The following KITLG variants were observed in gnomAD, a reference collection of about 807,000 sequenced individuals.
The protein encoded by KITLG is c-Kit ligand.
KITLG carries 13 observed loss-of-function variants against 34.1 expected under a neutral mutation model. That is an observed-to-expected ratio of 0.38 (90% CI 0.25 to 0.61). KITLG has a LOEUF of 0.61. KITLG is among the 20% of genes least tolerant of loss of function. KITLG has a pLI of 0.60. For synonymous variants in KITLG, 110 were observed against 104.0 expected, an observed-to-expected ratio of 1.06 and a Z score of -0.35; for missense variants, 292 against 318.9, an observed-to-expected ratio of 0.92 and a Z score of 0.64.
chr12:88,520,067 C>T (rs1432577832), intron 3 of KITLG, among the ~76,000 whole-genome samples: 1 of 152,178 alleles, frequency 6.6e-6, no homozygotes, highest in African/African-American at 2.4e-5. Flanking sequence ...CATTAAATGT[C>T]ACTCAAAACT....
intron 1 of KITLG, among the ~76,000 whole-genome samples, chr12:88,553,879 G>A (rs1022491646): frequency 2.0e-5 from 3 of 152,176 alleles, no homozygotes; most frequent in Non-Finnish European, 4.4e-5. Context: ...GTAGCAGACA[G>A]TACTAGAAAA....
intron 1 of KITLG, among the ~76,000 whole-genome samples, chr12:88,579,201 T>C (rs1285476343): frequency 6.6e-6 from 1 of 152,206 alleles, no homozygotes; most frequent in East Asian, 1.9e-4. Context: ...ATGCCTTCAT[T>C]CTACACCAAC....
chr12:88,528,459 T>G (rs1869960730), intron 3 of KITLG, among the ~76,000 whole-genome samples: 1 of 152,104 alleles, frequency 6.6e-6, no homozygotes, highest in Admixed American at 6.6e-5. Context: ...ATTCCAATCC[T>G]AGATAGGATC....
chr12:88,509,048 C>G (rs933435682), intron 6 of KITLG, among the ~76,000 whole-genome samples: 1 of 152,098 alleles, frequency 6.6e-6, no homozygotes, highest in African/African-American at 2.4e-5. Flanking sequence ...CCCCCATTAT[C>G]TATTGGGATT....
At position 88,495,723 on chromosome 12, in the gene KITLG, A is replaced by C. The variant is rs1435666674; in HGVS notation, c.*1496T>G. 1 of 152,366 alleles carries C rather than the reference A, an allele frequency of 6.6e-6. No homozygotes were observed. The allele number at this position is 152,366 out of a possible 1,614,324, so 9.4% of individuals were successfully genotyped here. A position where few individuals can be genotyped will look rare whatever the true frequency, so the allele number is the denominator to read the frequency against. ...CATGCCCTTTTGTGTCACTACATTGAAAACTGTCATCTTACGGTTGTAGAA... is the reference window on the plus strand; with the variant it reads ...CATGCCCTTTTGTGTCACTACATTGCAAACTGTCATCTTACGGTTGTAGAA... On this transcript the variant is annotated 3_prime_UTR_variant, in exon 10 of 10. Transcript: ENST00000644744.
chr12:88,570,328 C>G (rs1010474598), intron 1 of KITLG, among the ~76,000 whole-genome samples: 7 of 152,132 alleles, frequency 4.6e-5, no homozygotes, highest in African/African-American at 1.7e-4. Context: ...GGTGGGAAAG[C>G]CTGATGAGGA....
chr12:88,524,636 C>T (rs965039431), intron 3 of KITLG, among the ~76,000 whole-genome samples: 3 of 151,804 alleles, frequency 2.0e-5, no homozygotes, highest in Admixed American at 1.3e-4. Context: ...AGATTATGAA[C>T]GTGGCTTCCA....
In KITLG at chr12:88,506,291, C is replaced by T. The variant is rs752845091; in HGVS notation, c.782+20G>A. On this transcript the variant is annotated intron_variant, in intron 8 of 9. Transcript: ENST00000644744. Reference sequence around the variant, plus strand: ...GCAATGTCATGCTTGATTGGGCACACATTTAGCAAAACAAAATACCTTATC... The same window carrying T: ...GCAATGTCATGCTTGATTGGGCACATATTTAGCAAAACAAAATACCTTATC... The T allele has an allele frequency of 3.1e-5, 48 of 1,541,640 alleles. No individual in the cohort carries two copies. Among genetic ancestry groups the T allele is most frequent in the East Asian group, 4.5e-5 (2 of 44,466 alleles).
intron 1 of KITLG, among the ~76,000 whole-genome samples, chr12:88,563,281 T>G (rs1163607650): frequency 6.6e-6 from 1 of 152,240 alleles, no homozygotes; most frequent in Non-Finnish European, 1.5e-5. Flanking sequence ...AAAGCATTGG[T>G]TGACTCTTAT....
chr12:88,518,845 T>C lies in KITLG; in HGVS notation c.215A>G (p.Glu72Gly). ...DVLPSHCWIS[E>G]MVVQLSDSLT... ...GCTGTCTGACAATTGTACTACCATCTCGCTTATCCAACAATGACTTGGCTG... is the reference window on the plus strand; with the variant it reads ...GCTGTCTGACAATTGTACTACCATCCCGCTTATCCAACAATGACTTGGCTG... The change falls in exon 4 of 10, where the codon GAG becomes GGG. Residue 72 changes from glutamate (E) to glycine (G), a missense_variant. By Grantham distance (98) the Glu-to-Gly change is moderately conservative. Around this residue, in one of 2 missense-constraint regions of KITLG, gnomAD observed 152 missense variants for 207.9 expected, o/e 0.73. Coordinates refer to ENST00000644744, the MANE Select transcript of KITLG (RefSeq NM_000899.5). The C allele has an allele frequency of 5.0e-6, 8 of 1,613,578 alleles. No homozygotes were observed. Among genetic ancestry groups the C allele is most frequent in the Non-Finnish European group, 6.8e-6 (8 of 1,179,772 alleles).
At chr12:88,527,569 G>C (rs1398821880) in intron 3 of KITLG, among the ~76,000 whole-genome samples, 1 of 152,216 alleles carries the variant, frequency 6.6e-6, no homozygotes, top group Admixed American at 6.5e-5. Flanking sequence ...GCAAAGATTG[G>C]TTCAGGTAAG....
At chr12:88,500,261 C>G (rs1000372032) in intron 9 of KITLG, among the ~76,000 whole-genome samples, 4 of 152,194 alleles carry the variant, frequency 2.6e-5, no homozygotes, top group Admixed American at 2.6e-4. Context: ...AGTGATTTCT[C>G]TCTCCTTTCA....
intron 5 of KITLG, 146 bp from the exon 6 acceptor site, chr12:88,515,763 G>C (rs957533434): frequency 1.2e-5 from 8 of 667,790 alleles, no homozygotes; most frequent in African/African-American, 8.9e-5. Flanking sequence ...TTCATACTGG[G>C]TCCTGCTATT....
intron 3 of KITLG, among the ~76,000 whole-genome samples, chr12:88,531,016 A>G (rs1382729892): frequency 6.6e-6 from 1 of 152,230 alleles, no homozygotes; most frequent in East Asian, 1.9e-4. Flanking sequence ...AGAGTTGTAG[A>G]GAAGAGAGTA....
At chr12:88,577,892 A>G (rs1871883654) in intron 1 of KITLG, among the ~76,000 whole-genome samples, 1 of 152,158 alleles carries the variant, frequency 6.6e-6, no homozygotes, top group South Asian at 2.1e-4. Context: ...AAATATTACT[A>G]TAAATTTTTT....
At chr12:88,548,040 C>G (rs528636094) in intron 1 of KITLG, among the ~76,000 whole-genome samples, 1 of 152,166 alleles carries the variant, frequency 6.6e-6, no homozygotes, top group African/African-American at 2.4e-5. Context: ...ATCATAATGT[C>G]TACTCTGCCT....
chr12:88,517,808 T>C (rs1869509146), intron 4 of KITLG, among the ~76,000 whole-genome samples: 1 of 152,094 alleles, frequency 6.6e-6, no homozygotes, highest in Non-Finnish European at 1.5e-5. Flanking sequence ...GGGATTGAAG[T>C]TGGGTCTTAC....
intron 1 of KITLG, among the ~76,000 whole-genome samples, chr12:88,570,554 A>T (rs1308406325): frequency 6.6e-6 from 1 of 152,062 alleles, no homozygotes; most frequent in Non-Finnish European, 1.5e-5. Flanking sequence ...AAAACAAAGA[A>T]GTTCAACCCT....
intron 1 of KITLG, among the ~76,000 whole-genome samples, chr12:88,547,193 T>C (rs1870748661): frequency 6.6e-6 from 1 of 152,230 alleles, no homozygotes; most frequent in South Asian, 2.1e-4. Context: ...TTTACATAGC[T>C]AGCCATATTA....
Sources: gnomAD v4.1 joint callset for allele counts (sites outside exome capture counted in the v4.1 genomes callset) on GRCh38, gnomAD v4.1.1 for gene constraint, gnomAD v4.1.1 regional missense constraint, MANE v1.5 for transcripts, NCBI Gene and HGNC (gene_info 2026-07-23, HGNC 2026-07-21) for gene names.